ALK: variants seen among roughly 807,000 people sequenced by gnomAD.
The protein encoded by ALK is ALK receptor tyrosine kinase.
A neutral mutation model predicts 163.1 loss-of-function variants in ALK; 74 were observed. The observed-to-expected ratio is 0.45, with a 90% confidence interval of 0.38 to 0.55. The LOEUF is 0.55. ALK is among the 20% of genes least tolerant of loss of function. The pLI is 0.00. For missense variants in ALK, 2,063 were observed against 2,105.3 expected, an observed-to-expected ratio of 0.98 and a Z score of 0.39; for synonymous variants, 960 against 843.2, an observed-to-expected ratio of 1.14 and a Z score of -2.40.
intron 23 of ALK, among the ~76,000 whole-genome samples, chr2:29,214,799 CGT>C (rs1669557107): frequency 6.6e-6 from 1 of 152,154 alleles, no homozygotes; most frequent in African/African-American, 2.4e-5. Flanking sequence ...AAATCCCTGA[CGT>C]GTGCGGCAGC....
chr2:29,819,910 A>G (rs570094737), intron 1 of ALK, among the ~76,000 whole-genome samples: 5 of 152,318 alleles, frequency 3.3e-5, no homozygotes, highest in African/African-American at 9.6e-5. Context: ...TTGGGCCCCA[A>G]TGCAGGTGAG....
chr2:29,814,914 C>T (rs1001439292), intron 1 of ALK, among the ~76,000 whole-genome samples: 1 of 151,246 alleles, frequency 6.6e-6, no homozygotes, highest in Non-Finnish European at 1.5e-5. Context: ...TGGCAGTAGT[C>T]GTGGTGGTTG....
chr2:29,482,506 G>A (rs895964416), intron 4 of ALK, among the ~76,000 whole-genome samples: 1 of 152,118 alleles, frequency 6.6e-6, no homozygotes, highest in Non-Finnish European at 1.5e-5. Flanking sequence ...GGTTAGCAGA[G>A]AGGTGTGACA....
chr2:29,861,580 T>A (rs979599063), intron 1 of ALK, among the ~76,000 whole-genome samples: 1 of 152,010 alleles, frequency 6.6e-6, no homozygotes, highest in Non-Finnish European at 1.5e-5. Flanking sequence ...GACTGAATGA[T>A]AAAGAAATTG....
chr2:29,661,449 C>T (rs997736649), intron 3 of ALK, among the ~76,000 whole-genome samples: 1 of 152,192 alleles, frequency 6.6e-6, no homozygotes, highest in African/African-American at 2.4e-5. Context: ...GATATTTCCA[C>T]TTCTATGATT....
At chr2:29,634,176 G>A (rs1479930854) in intron 3 of ALK, among the ~76,000 whole-genome samples, 2 of 151,224 alleles carry the variant, frequency 1.3e-5, no homozygotes, top group Admixed American at 1.3e-4. Context: ...TCAGCTCACT[G>A]CACCCTCTGC....
chr2:29,683,012 T>A (rs937573514), intron 3 of ALK, among the ~76,000 whole-genome samples: 42 of 152,126 alleles, frequency 2.8e-4, no homozygotes, highest in African/African-American at 9.7e-4. Flanking sequence ...ACAGCTTCCA[T>A]AAGAATCAAC....
chr2:29,919,252 G>T (rs1419616367), intron 1 of ALK, among the ~76,000 whole-genome samples: 1 of 152,184 alleles, frequency 6.6e-6, no homozygotes, highest in Non-Finnish European at 1.5e-5. Context: ...AAGAAAAGCA[G>T]GAAAACCAAC....
intron 1 of ALK, among the ~76,000 whole-genome samples, chr2:29,759,411 A>T (rs1416344152): frequency 6.6e-6 from 1 of 152,172 alleles, no homozygotes; most frequent in Non-Finnish European, 1.5e-5. Flanking sequence ...ATCCCTGGGC[A>T]TGCAAGTGCA....
chr2:29,576,874 G>A (rs1010746900), intron 3 of ALK, among the ~76,000 whole-genome samples: 1 of 151,522 alleles, frequency 6.6e-6, no homozygotes, highest in Non-Finnish European at 1.5e-5. Flanking sequence ...CCCCCAGATG[G>A]GACCATCTAG....
chr2:29,199,587 T>TATTTTC (rs1484514828), intron 26 of ALK, among the ~76,000 whole-genome samples: 2 of 152,256 alleles, frequency 1.3e-5, no homozygotes, highest in African/African-American at 4.8e-5. Context: ...TTTCTGGCTA[T>TATTTTC]ATTTTCACTT....
At chr2:29,356,874 T>C (rs947651756) in intron 5 of ALK, among the ~76,000 whole-genome samples, 1 of 152,156 alleles carries the variant, frequency 6.6e-6, no homozygotes, top group African/African-American at 2.4e-5. Flanking sequence ...TAAAGAATTC[T>C]CCAGGTTCCT....
intron 3 of ALK, among the ~76,000 whole-genome samples, chr2:29,576,533 G>C (rs1303077755): frequency 6.6e-6 from 1 of 152,314 alleles, no homozygotes; most frequent in East Asian, 1.9e-4. Flanking sequence ...TTCTCTGCCT[G>C]ATGACTGCTC....
At chr2:29,808,752 T>C (rs1416927123) in intron 1 of ALK, among the ~76,000 whole-genome samples, 3 of 152,168 alleles carry the variant, frequency 2.0e-5, no homozygotes, top group South Asian at 2.1e-4. Context: ...ATGACCAGCA[T>C]ACAAAGTGGA....
intron 3 of ALK, among the ~76,000 whole-genome samples, chr2:29,577,844 C>A (rs1307680749): frequency 6.6e-6 from 1 of 152,230 alleles, no homozygotes. Context: ...GCCAATTCGT[C>A]AGACACCCAA....
intron 4 of ALK, among the ~76,000 whole-genome samples, chr2:29,466,140 T>G (rs1255388967): frequency 6.6e-6 from 1 of 152,192 alleles, no homozygotes; most frequent in Non-Finnish European, 1.5e-5. Flanking sequence ...AACAAATACT[T>G]CAGTAAACTG....
intron 1 of ALK, among the ~76,000 whole-genome samples, chr2:29,771,830 A>G (rs973760143): frequency 2.0e-5 from 3 of 151,790 alleles, no homozygotes; most frequent in African/African-American, 4.8e-5. Context: ...CACTGCGCCC[A>G]GCCTGCACCC....
intron 1 of ALK, among the ~76,000 whole-genome samples, chr2:29,798,914 G>A (rs369705905): frequency 1.3e-5 from 2 of 152,208 alleles, no homozygotes; most frequent in African/African-American, 4.8e-5. Context: ...CATTTAGTCA[G>A]GGGCCTTGGC....
intron 1 of ALK, among the ~76,000 whole-genome samples, chr2:29,911,463 T>C (rs1313941769): frequency 1.3e-5 from 2 of 152,220 alleles, no homozygotes; most frequent in Admixed American, 6.5e-5. Flanking sequence ...ATCTGCTTTA[T>C]CATCTCTCTG....
Sources: gnomAD v4.1 joint callset for allele counts (sites outside exome capture counted in the v4.1 genomes callset) on GRCh38, gnomAD v4.1.1 for gene constraint, MANE v1.5 for transcripts, NCBI Gene and HGNC (gene_info 2026-07-23, HGNC 2026-07-21) for gene names.